CAPN15: variants seen among roughly 807,000 people sequenced by gnomAD.
CAPN15 encodes the protein calpain 15.
In CAPN15, 53 loss-of-function variants were observed where a neutral mutation model predicts 97.9. That is an observed-to-expected ratio of 0.54 (90% CI 0.43 to 0.68). The LOEUF (loss-of-function observed/expected upper bound fraction) is 0.68. CAPN15 is among the 30% of genes least tolerant of loss of function. The pLI is 0.00. For synonymous variants in CAPN15, 922 were observed against 722.5 expected, an observed-to-expected ratio of 1.28 and a Z score of -4.43; for missense variants, 1,592 against 1,589.8, an observed-to-expected ratio of 1.00 and a Z score of -0.02.
At position 554,332 on chromosome 16, in the gene CAPN15, T is replaced by C. The variant is rs2035302477; in HGVS notation, c.*816T>C. 1 of 368,178 alleles carries C rather than the reference T, an allele frequency of 2.7e-6. No homozygotes were observed. Among genetic ancestry groups the C allele is most frequent in the Non-Finnish European group, 5.3e-6 (1 of 187,402 alleles). 22.8% of individuals were successfully genotyped at this position (368,178 alleles called of 1,614,324 possible). A position where few individuals can be genotyped will look rare whatever the true frequency, so the allele number is the denominator to read the frequency against. ...AGAAGCCCAGGAGTGTGTGGACGTC[T>C]GAGCCCAGCTTTCTGCGTGCCCTCC... On this transcript the variant is annotated 3_prime_UTR_variant, in exon 14 of 14. Transcript: ENST00000219611.
chr16:531,755 C>G (rs560581832), intron 1 of CAPN15, among the ~76,000 whole-genome samples: 1 of 152,086 alleles, frequency 6.6e-6, no homozygotes, highest in South Asian at 2.1e-4. Flanking sequence ...CAGGGCCACA[C>G]GGCTCCCAAG....
At chr16:544,859 C>CT (rs374750278) in intron 3 of CAPN15, among the ~76,000 whole-genome samples, 6 of 87,520 alleles carry the variant, frequency 6.9e-5, no homozygotes, top group African/African-American at 3.8e-4. Context: ...GTCGCCTCCC[C>CT]CACGTCGCCT....
Position 553,748 on chromosome 16 carries a change from C to G in CAPN15, c.*232C>G, listed in dbSNP as rs1435053853. The G allele has an allele frequency of 3.5e-5, 15 of 430,798 alleles. No homozygotes were observed. Among genetic ancestry groups the G allele is most frequent in the Non-Finnish European group, 4.5e-5 (11 of 242,056 alleles). The allele number at this position is 430,798 out of a possible 1,614,324, so 26.7% of individuals were successfully genotyped here. ...GGCCGCCACGCAGAATACCTCGAAC[C>G]AGGCGGGCTGTGAACCAGCCCCGCT... On this transcript the variant is annotated 3_prime_UTR_variant, in exon 14 of 14. Transcript: ENST00000219611.
rs1250077080 is a variant in CAPN15, at chr16:554,410, C to T, written c.*894C>T. On this transcript the variant is annotated 3_prime_UTR_variant, in exon 14 of 14. Coordinates refer to ENST00000219611, the MANE Select transcript of CAPN15 (RefSeq NM_005632.3). ...GCCTCGCCCCCACTCCCCCTCCTAC[C>T]CCGGCAGGGGCTTCCGGGGCCTTTT... The T allele has an allele frequency of 1.4e-5, 6 of 430,330 alleles. No individual in the cohort carries two copies. Among genetic ancestry groups the T allele is most frequent in the Non-Finnish European group, 2.8e-5 (6 of 213,986 alleles). The allele number at this position is 430,330 out of a possible 1,614,324, so 26.7% of individuals were successfully genotyped here.
chr16:551,996 C>T (rs2035119870), intron 9 of CAPN15, 55 bp from the exon 10 acceptor site: 7 of 1,520,772 alleles, frequency 4.6e-6, no homozygotes, highest in Non-Finnish European at 6.2e-6. Context: ...AGGCGCTGAG[C>T]CACGGAGGTG....
At chr16:539,789 CCCTT>C (rs1351837403) in intron 3 of CAPN15, 2 of 152,340 alleles carry the variant, frequency 1.3e-5, no homozygotes, top group African/African-American at 4.8e-5. Flanking sequence ...GTTCTCTTGA[CCCTT>C]CCTTCTGTGA....
chr16:549,238 G>T, intron 5 of CAPN15, 37 bp downstream of exon 5: 1 of 455,322 alleles, frequency 2.2e-6, no homozygotes. Context: ...GGGCGGGTGG[G>T]CGGGCGACCG....
chr16:546,667 C>G, intron 3 of CAPN15, 150 bp from the exon 4 acceptor site: 1 of 1,074,826 alleles, frequency 9.3e-7, no homozygotes, highest in Non-Finnish European at 1.3e-6. Flanking sequence ...AGGCAGCCCC[C>G]ACCGCCGCCT....
Position 552,541 on chromosome 16 carries a change from C to T in CAPN15, c.2737+11C>T, listed in dbSNP as rs1421021975. On this transcript the variant is annotated intron_variant, in intron 11 of 13. Transcript: ENST00000219611. This position sits in a 1 kb window ranked among gnomAD's most constrained non-coding sequence, Gnocchi z 6.4. ...CCCCTGCCCCCCAGGGTACGTGGCC[C>T]CTACCCCAGGCTCATGCCCCAGGCC... 5 of 1,590,558 alleles carry T rather than the reference C, an allele frequency of 3.1e-6. No individual in the cohort carries two copies. In the South Asian group the frequency reaches 5.6e-5, roughly 18 times the overall value.
chr16:534,297 A>C (rs2033539332), intron 2 of CAPN15, among the ~76,000 whole-genome samples: 2 of 34,388 alleles, frequency 5.8e-5, no homozygotes, highest in Admixed American at 3.8e-4. Context: ...GGAGCTCCCC[A>C]TCCCCACGGC....
At chr16:545,113 G>A (rs2034496206) in intron 3 of CAPN15, among the ~76,000 whole-genome samples, 1 of 151,980 alleles carries the variant, frequency 6.6e-6, no homozygotes, top group South Asian at 2.1e-4. Context: ...GCCTCAGGAG[G>A]TCAAGGCTGC....
In CAPN15 at chr16:549,671, C is replaced by T. The variant is rs768752567; in HGVS notation, c.1899C>T (p.His633=). Residue 633 remains histidine, a synonymous_variant, in exon 7 of 14, where the codon CAC becomes CAT. Transcript: ENST00000219611. ...TCGAGAAGGCGCTGGCCAAGCTGCA[C>T]GGCTCCTACTTTGCGCTCCAGGCGG... ...ALIEKALAKL[H]GSYFALQAGR... 2.2e-5 allele frequency: 35 copies of T among 1,562,950 alleles called. No homozygotes were observed. Among genetic ancestry groups the T allele is most frequent in the South Asian group, 9.3e-5 (8 of 85,826 alleles).
At position 553,608 on chromosome 16, in the gene CAPN15, C is replaced by A. The variant is rs1159299110; in HGVS notation, c.*92C>A. ...AGACCCCGACAGAGGACGCTTGAGCCAGAATCTCAGGACCCCGCCCAGGGA... is the reference window on the plus strand; with the variant it reads ...AGACCCCGACAGAGGACGCTTGAGCAAGAATCTCAGGACCCCGCCCAGGGA... On this transcript the variant is annotated 3_prime_UTR_variant, in exon 14 of 14. Transcript: ENST00000219611. 5.1e-6 allele frequency: 4 copies of A among 785,298 alleles called. No homozygotes were observed. The African/African-American group carries it at 7.1e-5, about 14-fold the overall frequency. The allele number at this position is 785,298 out of a possible 1,614,324, so 48.6% of individuals were successfully genotyped here.
intron 7 of CAPN15, among the ~76,000 whole-genome samples, chr16:550,617 G>C (rs1387372638): frequency 6.7e-6 from 1 of 149,428 alleles, no homozygotes; most frequent in African/African-American, 2.5e-5. Context: ...CCATGCCCCT[G>C]GTTAGTGAGA....
At chr16:534,205 A>C (rs2033502288) in intron 2 of CAPN15, among the ~76,000 whole-genome samples, 3 of 152,374 alleles carry the variant, frequency 2.0e-5, no homozygotes, top group South Asian at 2.1e-4. Context: ...GTGGGAGGCG[A>C]CGGTGAGGGC....
rs1250969694 is a variant in CAPN15, at chr16:546,814, C to T, written c.-22-3C>T. 3 of 1,575,500 alleles carry T rather than the reference C, an allele frequency of 1.9e-6. No individual in the cohort carries two copies. The highest frequency in any genetic ancestry group is 1.2e-5 in the South Asian group (1 of 85,352). The stretch of plus-strand genomic sequence containing the variant: ...TGGCCCTGATGAGCACCTTCCCTTG[C>T]AGCCACACCCACTCGCCCGGGTCTA... On this transcript the variant is annotated splice_polypyrimidine_tract_variant and splice_region_variant and intron_variant, in intron 3 of 13. Coordinates refer to ENST00000219611, the MANE Select transcript of CAPN15 (RefSeq NM_005632.3).
intron 3 of CAPN15, among the ~76,000 whole-genome samples, chr16:544,721 C>CCGT (rs1555444546): frequency 1.5e-4 from 11 of 71,184 alleles, no homozygotes; most frequent in African/African-American, 5.2e-4. Flanking sequence ...CCCCACGTCG[C>CCGT]CTCCCCCACG....
rs370790760 is a variant in CAPN15 at position 552,756 on chromosome 16, C to T, written c.2889C>T (p.Arg963=). The change falls in exon 12 of 14, where the codon CGC becomes CGT. Residue 963 remains arginine, a synonymous_variant. Transcript: ENST00000219611. This position sits in a 1 kb window ranked among gnomAD's most constrained non-coding sequence, Gnocchi z 6.4. Reference sequence around the variant, plus strand: ...CCATCATCCTGCTCACCGAGAGCCGCGGAGAGCGGCACGAGGTGGGTGGGG... The same window carrying T: ...CCATCATCCTGCTCACCGAGAGCCGTGGAGAGCGGCACGAGGTGGGTGGGG... The part of the protein sequence containing the change: ...ADAIILLTES[R]GERHEGREGM... 405 of 1,534,104 alleles carry T rather than the reference C, an allele frequency of 2.6e-4. 1 individual carries two copies. Among genetic ancestry groups the T allele is most frequent in the East Asian group, 2.0e-3 (83 of 40,638 alleles).
At position 536,075 on chromosome 16, in the gene CAPN15, C is replaced by T. The variant is rs1032210829; in HGVS notation, c.-90C>T. On this transcript the variant is annotated 5_prime_UTR_variant, in exon 3 of 14. Coordinates refer to ENST00000219611, the MANE Select transcript of CAPN15 (RefSeq NM_005632.3). ...CACGGACTGACCTGACCTGCGTCCT[C>T]GGGGCCACTGCACTGGGTGATTCAC... The T allele has an allele frequency of 2.3e-5, 22 of 972,824 alleles. No homozygotes were observed. Among genetic ancestry groups the T allele is most frequent in the East Asian group, 1.4e-4 (1 of 7,404 alleles). 60.3% of individuals were successfully genotyped at this position (972,824 alleles called of 1,614,324 possible).
Sources: gnomAD v4.1 joint callset for allele counts (sites outside exome capture counted in the v4.1 genomes callset) on GRCh38, gnomAD v4.1.1 for gene constraint, Gnocchi (gnomAD v3.1) non-coding constraint, MANE v1.5 for transcripts, NCBI Gene and HGNC (gene_info 2026-07-23, HGNC 2026-07-21) for gene names.